Variants in PDX1 observed in about 807,000 individuals in gnomAD.
PDX1 encodes the protein pancreas/duodenum homeobox protein 1.
Under a neutral mutation model 11.1 loss-of-function variants are expected in PDX1, and 7 were observed. The ratio of observed to expected loss-of-function variants is 0.63; its 90% CI spans 0.36 to 1.19. The LOEUF (loss-of-function observed/expected upper bound fraction) is 1.19, where lower values mean the gene tolerates loss of function less well. Ranked by LOEUF, PDX1 falls within the 50% of genes most tolerant of loss-of-function variation. The probability of loss-of-function intolerance (pLI) is 0.02; values close to 1 mark genes in which losing one functional copy is unlikely to be tolerated. For synonymous variants in PDX1, 232 were observed against 196.2 expected, an observed-to-expected ratio of 1.18 and a Z score of -1.53; for missense variants, 449 against 412.1, an observed-to-expected ratio of 1.09 and a Z score of -0.78.
chr13:27,922,613 A>AGGGCCCAGGCTTGGCGAC (rs1385577764), intron 1 of PDX1, among the ~76,000 whole-genome samples: 9 of 151,968 alleles, frequency 5.9e-5, no homozygotes, highest in Non-Finnish European at 1.2e-4. Flanking sequence ...GCCTTGGGGA[A>AGGGCCCAGGCTTGGCGAC]GGGCCCAGGC....
In PDX1 at chr13:27,922,378, T is replaced by A. The variant is rs369673981; in HGVS notation, c.406+1834T>A. On this transcript the variant is annotated intron_variant, in intron 1 of 1. Transcript: ENST00000381033. ...CTCCCCTCTCTTCCCCTGGAAGCCG[T>A]CTGCGGGGCCGGCTGCTATCCCCGC... Among the ~76,000 whole-genome samples, 290 of 152,224 alleles carry A rather than the reference T, an allele frequency of 1.9e-3. 1 individual carries two copies. The highest frequency in any genetic ancestry group is 6.5e-3 in the African/African-American group (268 of 41,532).
chr13:27,924,674 G>A lies in PDX1; in HGVS notation c.825G>A (p.Ala275=), dbSNP rs1181025974. 6.1e-6 allele frequency: 9 copies of A among 1,469,154 alleles called. No individual in the cohort carries two copies. Among genetic ancestry groups the A allele is most frequent in the South Asian group, 1.3e-5 (1 of 75,326 alleles). The allele number at this position is 1,469,154 out of a possible 1,614,324, so 91.0% of individuals were successfully genotyped here. Residue 275 remains alanine (A), a synonymous_variant, in exon 2 of 2, where the codon GCG becomes GCA. Coordinates refer to ENST00000381033, the MANE Select transcript of PDX1 (RefSeq NM_000209.4). This position sits in a 1 kb window ranked among gnomAD's most constrained non-coding sequence, Gnocchi z 4.8. ...LSASPQPSSV[A]PRRPQEPR ...CGTCGCCACAGCCCTCCAGCGTCGC[G>A]CCTCGGCGGCCGCAGGAACCACGAT...
intron 1 of PDX1, among the ~76,000 whole-genome samples, chr13:27,920,988 A>T (rs529217011): frequency 6.6e-6 from 1 of 152,266 alleles, no homozygotes; most frequent in South Asian, 2.1e-4. Flanking sequence ...GGAGCCCCGG[A>T]GCCCCTCACT....
chr13:27,924,556 T>C lies in PDX1; in HGVS notation c.707T>C (p.Leu236Pro). ...GCCGTGACCTCCGGCGAGGAGCTTC[T>C]GGCGCTGCCGCCGCCGCCGCCCCCC... is the stretch of plus-strand genomic sequence containing the variant. ...DCAVTSGEEL[L>P]ALPPPPPPGG... Residue 236 changes from leucine (L) to proline (P), a missense_variant, in exon 2 of 2, where the codon CTG becomes CCG. Around this residue, in one of 3 missense-constraint regions of PDX1, gnomAD observed 139 missense variants for 121.4 expected, o/e 1.14. Coordinates refer to ENST00000381033, the MANE Select transcript of PDX1 (RefSeq NM_000209.4). This position sits in a 1 kb window ranked among gnomAD's most constrained non-coding sequence, Gnocchi z 4.8. 1 of 1,552,208 alleles carries C rather than the reference T, an allele frequency of 6.4e-7. No individual in the cohort carries two copies. Among genetic ancestry groups the C allele is most frequent in the Non-Finnish European group, 8.7e-7 (1 of 1,153,808 alleles).
chr13:27,923,281 G>C (rs1957800900), intron 1 of PDX1, among the ~76,000 whole-genome samples: 2 of 152,178 alleles, frequency 1.3e-5, no homozygotes, highest in African/African-American at 4.8e-5. Flanking sequence ...TTGCCTCTTG[G>C]AGACACGAGA....
chr13:27,924,248 G>T lies in PDX1; in HGVS notation c.407-8G>T, dbSNP rs549332437. The T allele has an allele frequency of 1.1e-5, 18 of 1,585,226 alleles. No individual in the cohort carries two copies. In the South Asian group the frequency reaches 1.4e-4, roughly 12 times the overall value. On this transcript the variant is annotated splice_region_variant and splice_polypyrimidine_tract_variant and intron_variant, in intron 1 of 1. Coordinates refer to ENST00000381033, the MANE Select transcript of PDX1 (RefSeq NM_000209.4). The surrounding 1 kb of genome is among the most constrained non-coding windows in gnomAD (Gnocchi z 4.8). ...GGGGGCCACACTCACGCCCTGTGTC[G>T]CCCGCAGGCGGCGCCTACGCTGCGG...
At chr13:27,920,657 C>A (rs2137503000) in intron 1 of PDX1, 113 bp downstream of exon 1, 1 of 1,104,018 alleles carries the variant, frequency 9.1e-7, no homozygotes, top group East Asian at 2.4e-5. Context: ...TATCCCGGGT[C>A]GGACTAAACT....
chr13:27,924,413 A>G lies in PDX1; in HGVS notation c.564A>G (p.Arg188=), dbSNP rs1295096986. The change falls in exon 2 of 2, where the codon AGA becomes AGG. Residue 188 remains arginine, a synonymous_variant. Coordinates refer to ENST00000381033, the MANE Select transcript of PDX1 (RefSeq NM_000209.4). This position sits in a 1 kb window ranked among gnomAD's most constrained non-coding sequence, Gnocchi z 4.8. ...CTGTCATGTTGAACTTGACCGAGAGACACATCAAGATCTGGTTCCAAAACC... is the reference window on the plus strand; with the variant it reads ...CTGTCATGTTGAACTTGACCGAGAGGCACATCAAGATCTGGTTCCAAAACC... ...ELAVMLNLTE[R]HIKIWFQNRR... is the part of the protein sequence containing the mutation. The G allele has an allele frequency of 6.2e-7, 1 of 1,613,202 alleles. No homozygotes were observed. Among genetic ancestry groups the G allele is most frequent in the Non-Finnish European group, 8.5e-7 (1 of 1,179,928 alleles).
chr13:27,921,860 C>T (rs1410381684), intron 1 of PDX1, among the ~76,000 whole-genome samples: 1 of 152,244 alleles, frequency 6.6e-6, no homozygotes, highest in Non-Finnish European at 1.5e-5. Context: ...CCAGAAGCTG[C>T]CGCGGCGCCT....
intron 1 of PDX1, among the ~76,000 whole-genome samples, chr13:27,922,838 G>A (rs894318108): frequency 5.3e-5 from 8 of 152,200 alleles, no homozygotes; most frequent in African/African-American, 9.6e-5. Context: ...ACTTTGGAGA[G>A]CCTTTCAAAA....
Position 27,920,043 on chromosome 13 carries a change from G to A in PDX1, c.-96G>A, listed in dbSNP as rs905029902. 3.0e-4 allele frequency: 424 copies of A among 1,433,212 alleles called. 2 individuals carry two copies. Among genetic ancestry groups the A allele is most frequent in the Non-Finnish European group, 3.8e-4 (398 of 1,043,266 alleles). The allele number at this position is 1,433,212 out of a possible 1,614,324, so 88.8% of individuals were successfully genotyped here. Reference sequence around the variant, plus strand: ...TCAAAGCGAGCAGGGGTGGCGCCGGGAGTGGGAACGCCACACAGTGCCAAA... The same window carrying A: ...TCAAAGCGAGCAGGGGTGGCGCCGGAAGTGGGAACGCCACACAGTGCCAAA... On this transcript the variant is annotated 5_prime_UTR_variant, in exon 1 of 2. Transcript: ENST00000381033.
chr13:27,921,005 G>T (rs1402485488), intron 1 of PDX1, among the ~76,000 whole-genome samples: 1 of 152,168 alleles, frequency 6.6e-6, no homozygotes, highest in African/African-American at 2.4e-5. Flanking sequence ...CACTTCCCGC[G>T]CTTCGTTAAG....
Position 27,920,406 on chromosome 13 carries a change from C to T in PDX1, c.268C>T (p.Leu90Phe). Residue 90 changes from leucine to phenylalanine, a missense_variant, in exon 1 of 2, where the codon CTC becomes TTC. Physicochemically the swap from Leu to Phe is conservative, Grantham distance 22. Around this residue, in one of 3 missense-constraint regions of PDX1, gnomAD observed 263 missense variants for 212.5 expected, o/e 1.24. Transcript: ENST00000381033. ...AHLHHHLPAQLALPHPPAGPF... is the reference protein window; with the variant it reads ...AHLHHHLPAQFALPHPPAGPF... The stretch of plus-strand genomic sequence containing the variant: ...CCTTCACCACCACCTCCCGGCTCAG[C>T]TCGCGCTCCCCCACCCGCCCGCCGG... 1 of 1,556,246 alleles carries T rather than the reference C, an allele frequency of 6.4e-7. No individual in the cohort carries two copies. Among genetic ancestry groups the T allele is most frequent in the Middle Eastern group, 2.0e-4 (1 of 5,102 alleles).
At position 27,920,408 on chromosome 13, in the gene PDX1, C is replaced by A. The variant is rs1193016884; in HGVS notation, c.270C>A (p.Leu90=). ...TTCACCACCACCTCCCGGCTCAGCT[C>A]GCGCTCCCCCACCCGCCCGCCGGGC... ...AHLHHHLPAQ[L]ALPHPPAGPF... Residue 90 remains leucine, a synonymous_variant, in exon 1 of 2, where the codon CTC becomes CTA. Coordinates refer to ENST00000381033, the MANE Select transcript of PDX1 (RefSeq NM_000209.4). 5 of 1,556,982 alleles carry A rather than the reference C, an allele frequency of 3.2e-6. No homozygotes were observed. Among genetic ancestry groups the A allele is most frequent in the Admixed American group, 3.9e-5 (2 of 51,684 alleles).
Position 27,924,989 on chromosome 13 carries a change from C to T in PDX1, c.*288C>T. The T allele has an allele frequency of 2.7e-6, 1 of 368,756 alleles. No homozygotes were observed. Among genetic ancestry groups the T allele is most frequent in the South Asian group, 9.0e-5 (1 of 11,150 alleles). The allele number at this position is 368,756 out of a possible 1,614,324, so 22.8% of individuals were successfully genotyped here. A position where few individuals can be genotyped will look rare whatever the true frequency, so the allele number is the denominator to read the frequency against. Reference sequence around the variant, plus strand: ...GGATTGGCGTTGTTTGTGGCTGTTGCGCACATCCCTGCCCTCCTACAGCAC... The same window carrying T: ...GGATTGGCGTTGTTTGTGGCTGTTGTGCACATCCCTGCCCTCCTACAGCAC... On this transcript the variant is annotated 3_prime_UTR_variant, in exon 2 of 2. Coordinates refer to ENST00000381033, the MANE Select transcript of PDX1 (RefSeq NM_000209.4). This position sits in a 1 kb window ranked among gnomAD's most constrained non-coding sequence, Gnocchi z 4.8.
chr13:27,920,661 C>A, intron 1 of PDX1, 117 bp downstream of exon 1: 1 of 1,065,034 alleles, frequency 9.4e-7, no homozygotes, highest in Non-Finnish European at 1.4e-6. Flanking sequence ...CCGGGTCGGA[C>A]TAAACTACAT....
chr13:27,922,497 G>T (rs902026871), intron 1 of PDX1, among the ~76,000 whole-genome samples: 1 of 152,130 alleles, frequency 6.6e-6, no homozygotes, highest in African/African-American at 2.4e-5. Flanking sequence ...GGCTCTCACT[G>T]GCAGTACGAA....
chr13:27,920,361 G>C lies in PDX1; in HGVS notation c.223G>C (p.Asp75His), dbSNP rs1957774691. Residue 75 changes from aspartate (D) to histidine (H), a missense_variant, in exon 1 of 2, where the codon GAC (aspartate) becomes CAC (histidine). By Grantham distance (81) the Asp-to-His change is moderately conservative. Coordinates refer to ENST00000381033, the MANE Select transcript of PDX1 (RefSeq NM_000209.4). ...ISPYEVPPLADDPAVAHLHHH... is the reference protein window; with the variant it reads ...ISPYEVPPLAHDPAVAHLHHH... ...CCCGTACGAGGTGCCCCCCCTCGCC[G>C]ACGACCCCGCGGTGGCGCACCTTCA... The C allele has an allele frequency of 6.5e-7, 1 of 1,544,864 alleles. No individual in the cohort carries two copies. Among genetic ancestry groups the C allele is most frequent in the Non-Finnish European group, 8.7e-7 (1 of 1,144,284 alleles).
At position 27,920,417 on chromosome 13, in the gene PDX1, C is replaced by CAG. The variant is rs778651779; in HGVS notation, c.279_280insAG (p.His94SerfsTer30). ...ACCTCCCGGCTCAGCTCGCGCTCCC[C>CAG]CACCCGCCCGCCGGGCCCTTCCCGG... On this transcript the variant is annotated frameshift_variant, in exon 1 of 2. Transcript: ENST00000381033. LOFTEE classifies it high-confidence loss of function. 5 of 1,564,328 alleles carry CAG rather than the reference C, an allele frequency of 3.2e-6. No homozygotes were observed. The South Asian group carries it at 5.8e-5, about 18-fold the overall frequency.
Sources: allele counts gnomAD v4.1 joint callset (sites outside exome capture counted in the v4.1 genomes callset), GRCh38; gene constraint gnomAD v4.1.1; regional missense constraint gnomAD v4.1.1; non-coding constraint Gnocchi (gnomAD v3.1); transcripts MANE v1.5; gene names NCBI Gene and HGNC (gene_info 2026-07-23, HGNC 2026-07-21).